The following PRKN variants were observed in gnomAD, a reference collection of about 807,000 sequenced individuals.
PRKN encodes the protein parkin RBR E3 ubiquitin protein ligase, also known as E3 ubiquitin-protein ligase parkin.
PRKN carries 56 observed loss-of-function variants against 59.5 expected under a neutral mutation model. The observed-to-expected ratio is 0.94, with a 90% CI of 0.76 to 1.18. The LOEUF (loss-of-function observed/expected upper bound fraction) is 1.18. Ranked by LOEUF, PRKN falls within the 50% of genes most tolerant of loss-of-function variation. The pLI, the probability that PRKN is intolerant of heterozygous loss-of-function variation, is 0.00. For synonymous variants in PRKN, 250 were observed against 222.1 expected, an observed-to-expected ratio of 1.13 and a Z score of -1.12; for missense variants, 657 against 596.4, an observed-to-expected ratio of 1.10 and a Z score of -1.06.
rs192066183 is a variant in PRKN, at chr6:161,874,208, G to A, written c.735-88300C>T. 6.5e-3 allele frequency among the ~76,000 whole-genome samples: 80 copies of A among 12,358 alleles called. 2 individuals carry two copies. Among genetic ancestry groups the A allele is most frequent in the East Asian group, 0.014 (3 of 222 alleles). The allele number at this position is 12,358 out of a possible 152,430, so 8.1% of individuals were successfully genotyped here. ...ATATAATATATAATATATATTATAT[G>A]TAAAATATAATATATATTATATATA... is the stretch of plus-strand genomic sequence containing the variant. On this transcript the variant is annotated intron_variant, in intron 6 of 11. Coordinates refer to ENST00000366898, the MANE Select transcript of PRKN (RefSeq NM_004562.3).
chr6:162,255,499 T>C (rs1267377439), intron 3 of PRKN, among the ~76,000 whole-genome samples: 1 of 152,130 alleles, frequency 6.6e-6, no homozygotes, highest in Admixed American at 6.5e-5. Flanking sequence ...GAGGATCTTA[T>C]TAAAATGAAG....
chr6:162,615,968 C>T (rs1290193405), intron 1 of PRKN, among the ~76,000 whole-genome samples: 4 of 152,150 alleles, frequency 2.6e-5, no homozygotes, highest in Non-Finnish European at 5.9e-5. Context: ...CAAGAAGATG[C>T]TCTCATAAAC....
At position 162,210,919 on chromosome 6, in the gene PRKN, T is replaced by A. The variant is rs377627639; in HGVS notation, c.413-9667A>T. Among the ~76,000 whole-genome samples, 27 of 152,322 alleles carry A rather than the reference T, an allele frequency of 1.8e-4. 3 individuals are homozygous for A. The South Asian group carries it at 5.4e-3, about 30-fold the overall frequency. ...ATTCAATATGTATTTCAAAATTTAA[T>A]ATGAATGGCAGACTTGTTAAATTTG... On this transcript the variant is annotated intron_variant, in intron 3 of 11. Coordinates refer to ENST00000366898, the MANE Select transcript of PRKN (RefSeq NM_004562.3).
intron 1 of PRKN, among the ~76,000 whole-genome samples, chr6:162,487,567 A>G (rs1358683277): frequency 6.6e-6 from 1 of 151,886 alleles, no homozygotes. Context: ...CGAGCAAAGA[A>G]TTACATAAAA....
chr6:162,189,046 G>C (rs953100372), intron 4 of PRKN, among the ~76,000 whole-genome samples: 1 of 145,870 alleles, frequency 6.9e-6, no homozygotes, highest in African/African-American at 2.5e-5. Context: ...GAGATTAGAC[G>C]ACTGCAGAGT....
intron 3 of PRKN, among the ~76,000 whole-genome samples, chr6:162,222,705 C>A (rs1056866911): frequency 1.3e-5 from 2 of 152,060 alleles, no homozygotes; most frequent in Non-Finnish European, 2.9e-5. Flanking sequence ...TGAGGAAATG[C>A]GGGACCTGAC....
intron 5 of PRKN, among the ~76,000 whole-genome samples, chr6:162,002,362 A>G (rs961850219): frequency 1.3e-5 from 2 of 151,986 alleles, no homozygotes; most frequent in Non-Finnish European, 2.9e-5. Context: ...CAGACTGTCT[A>G]TTTCTTCTAC....
At chr6:161,772,613 A>G (rs949516185) in intron 7 of PRKN, among the ~76,000 whole-genome samples, 1 of 152,216 alleles carries the variant, frequency 6.6e-6, no homozygotes, top group Admixed American at 6.5e-5. Context: ...TCAAACAAAT[A>G]TAAGACGCAC....
intron 7 of PRKN, among the ~76,000 whole-genome samples, chr6:161,652,039 C>T (rs1784168015): frequency 1.3e-5 from 2 of 152,330 alleles, no homozygotes; most frequent in South Asian, 2.1e-4. Flanking sequence ...TATTTTCATC[C>T]CTCATCTTAT....
At chr6:161,910,051 G>A (rs140030116) in intron 6 of PRKN, among the ~76,000 whole-genome samples, 14 of 152,254 alleles carry the variant, frequency 9.2e-5, no homozygotes, top group Admixed American at 8.5e-4. Context: ...TGATTTTGAG[G>A]GGTTCAAGTC....
At chr6:161,936,760 G>A (rs1388663853) in intron 6 of PRKN, among the ~76,000 whole-genome samples, 1 of 150,622 alleles carries the variant, frequency 6.6e-6, no homozygotes, top group Non-Finnish European at 1.5e-5. Context: ...ATCCTAATTT[G>A]GCTCCTTCTG....
At chr6:162,248,705 G>C (rs1232280922) in intron 3 of PRKN, among the ~76,000 whole-genome samples, 1 of 152,052 alleles carries the variant, frequency 6.6e-6, no homozygotes, top group Non-Finnish European at 1.5e-5. Context: ...CCTAACCCAA[G>C]ATCCAAAAAA....
At chr6:162,131,623 C>G (rs1012416832) in intron 4 of PRKN, among the ~76,000 whole-genome samples, 1 of 152,144 alleles carries the variant, frequency 6.6e-6, no homozygotes, top group Non-Finnish European at 1.5e-5. Context: ...CCTTGAGCTA[C>G]TTTCTTGGTA....
At chr6:161,954,167 C>T (rs778424105) in intron 6 of PRKN, among the ~76,000 whole-genome samples, 9 of 152,170 alleles carry the variant, frequency 5.9e-5, no homozygotes, top group African/African-American at 9.6e-5. Flanking sequence ...GAATCTCAGC[C>T]GTGTAGCTGA....
At chr6:162,165,367 T>C (rs1425315849) in intron 4 of PRKN, among the ~76,000 whole-genome samples, 1 of 149,212 alleles carries the variant, frequency 6.7e-6, no homozygotes, top group African/African-American at 2.5e-5. Flanking sequence ...GAAAATGAAT[T>C]ACCAAACTCC....
At chr6:161,876,224 T>C (rs1794726531) in intron 6 of PRKN, among the ~76,000 whole-genome samples, 1 of 152,206 alleles carries the variant, frequency 6.6e-6, no homozygotes, top group Non-Finnish European at 1.5e-5. Context: ...ACTTAAACTA[T>C]ATTACTGAAT....
chr6:162,296,116 G>C (rs748017779), intron 2 of PRKN, among the ~76,000 whole-genome samples: 1 of 152,108 alleles, frequency 6.6e-6, no homozygotes, highest in Non-Finnish European at 1.5e-5. Context: ...ACAAGGAGGG[G>C]AGAGGGACAG....
intron 5 of PRKN, among the ~76,000 whole-genome samples, chr6:162,035,760 T>G (rs756286735): frequency 1.4e-4 from 21 of 152,042 alleles, no homozygotes; most frequent in Non-Finnish European, 2.9e-4. Flanking sequence ...ACCCTCAAGG[T>G]TAATATAATA....
intron 7 of PRKN, among the ~76,000 whole-genome samples, chr6:161,685,724 A>G (rs887667709): frequency 1.3e-5 from 2 of 152,214 alleles, no homozygotes; most frequent in Non-Finnish European, 2.9e-5. Flanking sequence ...ATAATGGGAA[A>G]GACTACACAT....
Sources: allele counts gnomAD v4.1 joint callset (sites outside exome capture counted in the v4.1 genomes callset), GRCh38; gene constraint gnomAD v4.1.1; transcripts MANE v1.5; gene names NCBI Gene and HGNC (gene_info 2026-07-23, HGNC 2026-07-21).